The following SND1 variants were observed in gnomAD, a reference collection of about 807,000 sequenced individuals.
The protein encoded by SND1 is staphylococcal nuclease and tudor domain containing 1, also known as staphylococcal nuclease domain-containing protein 1.
In SND1, 38 loss-of-function variants were observed where a neutral mutation model predicts 121.7. That is an observed-to-expected ratio of 0.31 (90% CI 0.24 to 0.41). The LOEUF (loss-of-function observed/expected upper bound fraction) is 0.41, where lower values mean the gene tolerates loss of function less well. Ranked by LOEUF, SND1 falls within the 10% of genes least tolerant of loss-of-function variation. SND1 has a pLI of 1.00. For synonymous variants in SND1, 401 were observed against 447.4 expected (o/e 0.90, Z 1.31); for missense variants, 868 against 1,184.6 (o/e 0.73, Z 3.92).
intron 1 of SND1, among the ~76,000 whole-genome samples, chr7:127,656,773 A>G (rs897245955): frequency 7.9e-5 from 12 of 152,238 alleles, no homozygotes; most frequent in South Asian, 2.1e-4. Flanking sequence ...GGTTCCCCCA[A>G]TACAGGAAAA....
intron 10 of SND1, among the ~76,000 whole-genome samples, chr7:127,777,678 G>T (rs934201273): frequency 2.0e-5 from 3 of 152,192 alleles, no homozygotes; most frequent in African/African-American, 7.2e-5. Flanking sequence ...CTATTTGTCA[G>T]TTTACTGAAG....
rs574769975 is a variant in SND1 at position 127,994,862 on chromosome 7, C to T, written c.1779+3806C>T. On this transcript the variant is annotated intron_variant, in intron 16 of 23. Transcript: ENST00000354725. ...AAGTAGCTGGGATTACAGGCCTGCA[C>T]CACCATGCTCGGCTAATTTTTTTTT... is the stretch of plus-strand genomic sequence containing the variant. 4.6e-5 allele frequency among the ~76,000 whole-genome samples: 7 copies of T among 152,206 alleles called. No individual in the cohort carries two copies. The East Asian group carries it at 1.2e-3, about 25-fold the overall frequency.
At chr7:127,856,618 A>G (rs998887972) in intron 12 of SND1, among the ~76,000 whole-genome samples, 1 of 152,202 alleles carries the variant, frequency 6.6e-6, no homozygotes, top group Admixed American at 6.5e-5. Context: ...TCAGATTTCC[A>G]TTGTTGGTTT....
chr7:128,066,546 G>A (rs1442337587), intron 16 of SND1, among the ~76,000 whole-genome samples: 4 of 152,192 alleles, frequency 2.6e-5, no homozygotes, highest in Non-Finnish European at 4.4e-5. Flanking sequence ...CACTCCCCAC[G>A]GTTGCAGATG....
chr7:127,862,441 T>C (rs530931732), intron 12 of SND1, among the ~76,000 whole-genome samples: 5 of 152,336 alleles, frequency 3.3e-5, no homozygotes, highest in Admixed American at 3.3e-4. Flanking sequence ...CTCTTTCCCC[T>C]GTAATAACAA....
intron 13 of SND1, among the ~76,000 whole-genome samples, chr7:127,891,636 C>T (rs1395101776): frequency 6.6e-6 from 1 of 152,048 alleles, no homozygotes; most frequent in Non-Finnish European, 1.5e-5. Context: ...TCTCTACCTC[C>T]CAGCTTCGTG....
intron 15 of SND1, among the ~76,000 whole-genome samples, chr7:127,970,011 G>T (rs1303703888): frequency 6.6e-6 from 1 of 152,146 alleles, no homozygotes; most frequent in Non-Finnish European, 1.5e-5. Context: ...CAGCAGAAGG[G>T]TAATTTCACA....
At chr7:127,994,570 A>C (rs1033267959) in intron 16 of SND1, among the ~76,000 whole-genome samples, 4 of 138,596 alleles carry the variant, frequency 2.9e-5, no homozygotes, top group Non-Finnish European at 4.8e-5. Flanking sequence ...AAAAAAAAAA[A>C]AAAAAAAAAA....
chr7:128,029,441 C>A lies in SND1; in HGVS notation c.1779+38385C>A. On this transcript the variant is annotated intron_variant, in intron 16 of 23. Transcript: ENST00000354725. The surrounding 1 kb of genome is among the most constrained non-coding windows in gnomAD (Gnocchi z 4.2). ...AGGTGCCGTCGTTGAGGACAGAGATCCTTGGGTGGCGGGAGGCGTGGCTGA... is the reference window on the plus strand; with the variant it reads ...AGGTGCCGTCGTTGAGGACAGAGATACTTGGGTGGCGGGAGGCGTGGCTGA... The A allele has an allele frequency of 6.2e-7, 1 of 1,614,192 alleles. No homozygotes were observed. The highest frequency in any genetic ancestry group is 8.5e-7 in the Non-Finnish European group (1 of 1,180,036).
chr7:128,030,439 C>A, intron 16 of SND1: 1 of 1,613,790 alleles, frequency 6.2e-7, no homozygotes, highest in Non-Finnish European at 8.5e-7. Flanking sequence ...TGCGGGACCT[C>A]GGAGAGGCCC....
chr7:127,656,985 G>C (rs1303879282), intron 1 of SND1, among the ~76,000 whole-genome samples: 1 of 152,192 alleles, frequency 6.6e-6, no homozygotes, highest in Non-Finnish European at 1.5e-5. Context: ...AAGATTGTAA[G>C]TAAAGGAACA....
intron 11 of SND1, among the ~76,000 whole-genome samples, chr7:127,840,082 C>T (rs1287860361): frequency 2.6e-5 from 4 of 152,218 alleles, no homozygotes; most frequent in African/African-American, 9.6e-5. Context: ...AGTCTCCTGC[C>T]TTACAGGCCC....
intron 12 of SND1, chr7:127,858,430 C>T: frequency 1.2e-6 from 1 of 811,380 alleles, no homozygotes; most frequent in Non-Finnish European, 2.0e-6. Flanking sequence ...TCACTGGGGT[C>T]TGGCCCAAGC....
chr7:127,779,840 A>G (rs988211839), intron 10 of SND1, among the ~76,000 whole-genome samples: 3 of 152,162 alleles, frequency 2.0e-5, no homozygotes, highest in Non-Finnish European at 4.4e-5. Flanking sequence ...TTTGTGTGCA[A>G]GTGTTACCCA....
At chr7:127,803,892 G>A (rs1752969154) in intron 10 of SND1, among the ~76,000 whole-genome samples, 1 of 152,236 alleles carries the variant, frequency 6.6e-6, no homozygotes, top group Admixed American at 6.5e-5. Flanking sequence ...CATCTCTAAT[G>A]TGAGTCATTG....
intron 10 of SND1, among the ~76,000 whole-genome samples, chr7:127,764,225 T>C (rs1347410581): frequency 6.6e-6 from 1 of 152,194 alleles, no homozygotes; most frequent in Non-Finnish European, 1.5e-5. Flanking sequence ...AAGGTTGCCA[T>C]TGACTTTTTA....
intron 16 of SND1, chr7:128,030,511 G>A: frequency 6.2e-7 from 1 of 1,613,322 alleles, no homozygotes; most frequent in Non-Finnish European, 8.5e-7. Context: ...GGGCAGTTCT[G>A]GGGCCCGGCT....
chr7:127,670,835 A>T (rs1795502849), intron 1 of SND1, among the ~76,000 whole-genome samples: 2 of 143,430 alleles, frequency 1.4e-5, no homozygotes, highest in African/African-American at 2.5e-5. Context: ...ATATGCAATT[A>T]AAAAAAAAAA....
chr7:127,826,446 AGAGGATG>A (rs1337214970), intron 11 of SND1, among the ~76,000 whole-genome samples: 2 of 152,190 alleles, frequency 1.3e-5, no homozygotes, highest in Non-Finnish European at 2.9e-5. Context: ...TCTAGATTTG[AGAGGATG>A]TAAAGATTAG....
Sources: allele counts gnomAD v4.1 joint callset (sites outside exome capture counted in the v4.1 genomes callset), GRCh38; gene constraint gnomAD v4.1.1; non-coding constraint Gnocchi (gnomAD v3.1); transcripts MANE v1.5; gene names NCBI Gene and HGNC (gene_info 2026-07-23, HGNC 2026-07-21).